The following CYFIP1 variants were observed in gnomAD, a reference collection of about 807,000 sequenced individuals.
The protein encoded by CYFIP1 is cytoplasmic FMR1-interacting protein 1.
A neutral mutation model predicts 163.5 loss-of-function variants in CYFIP1; 58 were observed. The observed-to-expected ratio is 0.35, with a 90% CI of 0.29 to 0.44. The LOEUF (loss-of-function observed/expected upper bound fraction) is 0.44, where lower values mean the gene tolerates loss of function less well. Ranked by LOEUF, CYFIP1 falls within the 20% of genes least tolerant of loss-of-function variation. CYFIP1 has a pLI of 1.00. For synonymous variants in CYFIP1, 663 were observed against 660.7 expected (o/e 1.00, Z -0.05); for missense variants, 1,338 against 1,653.8 (o/e 0.81, Z 3.31).
At chr15:22,934,039 T>C (rs1192167206) in intron 9 of CYFIP1, 146 bp from the exon 10 acceptor site, 1 of 576,780 alleles carries the variant, frequency 1.7e-6, no homozygotes, top group Non-Finnish European at 3.1e-6. Context: ...AAACTATAAG[T>C]AACTTCTACA....
chr15:22,976,295 C>T (rs1236745748), intron 1 of CYFIP1, among the ~76,000 whole-genome samples: 1 of 152,044 alleles, frequency 6.6e-6, no homozygotes, highest in African/African-American at 2.4e-5. Flanking sequence ...GTAGCTGGGA[C>T]TACAGGCGCA....
Position 22,960,051 on chromosome 15 carries a change from C to T in CYFIP1, c.-6-12760G>A, listed in dbSNP as rs571751172. ...CCTTCTCCTGCACCAAGTGCACCCA[C>T]GAGGAGCTGCAGGCTCCCCTACTGC... On this transcript the variant is annotated intron_variant, in intron 1 of 30. Transcript: ENST00000617928. Among the ~76,000 whole-genome samples, 11 of 152,324 alleles carry T rather than the reference C, an allele frequency of 7.2e-5. No homozygotes were observed. The East Asian group carries it at 7.7e-4, about 11-fold the overall frequency.
intron 1 of CYFIP1, among the ~76,000 whole-genome samples, chr15:22,979,337 G>A (rs1296162459): frequency 6.6e-6 from 1 of 152,168 alleles, no homozygotes; most frequent in Non-Finnish European, 1.5e-5. Context: ...GCATAGCAAT[G>A]TGCGCACTGC....
At position 22,868,515 on chromosome 15, in the gene CYFIP1, G is replaced by A. The variant is rs2059309818; in HGVS notation, c.*1513C>T. Reference sequence around the variant, plus strand: ...TCCTATTCTGTAGTTTCTAAGATAAGCACAGCTACCACCTCTAAATCTGCA... The same window carrying A: ...TCCTATTCTGTAGTTTCTAAGATAAACACAGCTACCACCTCTAAATCTGCA... On this transcript the variant is annotated 3_prime_UTR_variant, in exon 31 of 31. Transcript: ENST00000617928. The A allele has an allele frequency of 6.6e-6, 1 of 152,100 alleles. No homozygotes were observed. Among genetic ancestry groups the A allele is most frequent in the Non-Finnish European group, 1.5e-5 (1 of 68,028 alleles). 9.4% of individuals were successfully genotyped at this position (152,100 alleles called of 1,614,324 possible).
rs140138919 is a variant in CYFIP1 at position 22,897,932 on chromosome 15, A to G, written c.2589-4955T>C. On this transcript the variant is annotated intron_variant, in intron 22 of 30. Coordinates refer to ENST00000617928, the MANE Select transcript of CYFIP1 (RefSeq NM_014608.6). ...TATGGGATGCCCATGTGGTTTCAGG[A>G]GCTGTTTCTGTTAAGGTCCCTGCTC... is the stretch of plus-strand genomic sequence containing the variant. Among the ~76,000 whole-genome samples the G allele has an allele frequency of 2.7e-3, 417 of 152,278 alleles. 2 individuals are homozygous for G. The highest frequency in any genetic ancestry group is 9.8e-3 in the African/African-American group (409 of 41,546).
intron 1 of CYFIP1, among the ~76,000 whole-genome samples, chr15:22,977,430 C>T (rs898136998): frequency 1.3e-5 from 2 of 152,132 alleles, no homozygotes; most frequent in Non-Finnish European, 2.9e-5. Context: ...TAAATTATGT[C>T]AGTGTAATTA....
chr15:22,873,836 G>A, intron 28 of CYFIP1, 107 bp from the exon 29 acceptor site: 1 of 1,034,756 alleles, frequency 9.7e-7, no homozygotes, highest in Non-Finnish European at 1.4e-6. Context: ...CTGCTGCCTA[G>A]GCTGGAGTGC....
intron 1 of CYFIP1, among the ~76,000 whole-genome samples, chr15:22,965,731 A>G (rs1249150256): frequency 6.6e-6 from 1 of 152,160 alleles, no homozygotes; most frequent in East Asian, 1.9e-4. Context: ...GGGATAACGA[A>G]TTAGGCTTCC....
Position 22,869,846 on chromosome 15 carries a change from C to T in CYFIP1, c.*182G>A. 2.1e-6 allele frequency: 1 copy of T among 487,062 alleles called. No individual in the cohort carries two copies. The allele number at this position is 487,062 out of a possible 1,614,324, so 30.2% of individuals were successfully genotyped here. A position where few individuals can be genotyped will look rare whatever the true frequency, so the allele number is the denominator to read the frequency against. On this transcript the variant is annotated 3_prime_UTR_variant, in exon 31 of 31. Coordinates refer to ENST00000617928, the MANE Select transcript of CYFIP1 (RefSeq NM_014608.6). ...AATATTCTCAAGAGTTCCTAATTAC[C>T]AAAAGCATATACAATTTTAGTCTAG...
rs150279941 is a variant in CYFIP1 at position 22,909,311 on chromosome 15, G to A, written c.2271C>T (p.Leu757=). ...GATTGAGGTCTATTGATCTGCCGAG[G>A]AGCTGGCGTACACAGGGAAGGATGG... is the stretch of plus-strand genomic sequence containing the variant. ...ETLLKQRHVQ[L]LGRSIDLNRL... The change falls in exon 21 of 31, where the codon CTC becomes CTT. Residue 757 remains leucine, a splice_region_variant and synonymous_variant. Transcript: ENST00000617928. The A allele has an allele frequency of 6.2e-7, 1 of 1,614,098 alleles. No homozygotes were observed. The highest frequency in any genetic ancestry group is 8.5e-7 in the Non-Finnish European group (1 of 1,179,984).
In CYFIP1 at chr15:22,963,511, T is replaced by TAACATAACATAACATAACATAA. The variant is rs2062767491; in HGVS notation, c.-6-16242_-6-16221dup. Among the ~76,000 whole-genome samples, 3 of 137,382 alleles carry TAACATAACATAACATAACATAA rather than the reference T, an allele frequency of 2.2e-5. No homozygotes were observed. The South Asian group carries it at 7.3e-4, about 34-fold the overall frequency. 90.1% of individuals were successfully genotyped at this position (137,382 alleles called of 152,430 possible). A position where few individuals can be genotyped will look rare whatever the true frequency, so the allele number is the denominator to read the frequency against. ...GTTTCAAAAATAACATAACATAACA[T>TAACATAACATAACATAACATAA]AACATAACATAACATAACATAACAT... On this transcript the variant is annotated intron_variant, in intron 1 of 30. Transcript: ENST00000617928.
chr15:22,876,191 G>A (rs188817055), intron 26 of CYFIP1, among the ~76,000 whole-genome samples: 5 of 152,028 alleles, frequency 3.3e-5, no homozygotes, highest in South Asian at 2.1e-4. Context: ...AAGAAATACC[G>A]ACAATGAGAT....
chr15:22,975,685 G>A (rs1156233804), intron 1 of CYFIP1, among the ~76,000 whole-genome samples: 1 of 152,162 alleles, frequency 6.6e-6, no homozygotes, highest in Non-Finnish European at 1.5e-5. Flanking sequence ...CTTAAACCCA[G>A]GAGGCAGAGG....
At chr15:22,912,075 A>G in intron 18 of CYFIP1, 104 bp downstream of exon 18, 1 of 1,061,642 alleles carries the variant, frequency 9.4e-7, no homozygotes. Context: ...CGTGGTTTAT[A>G]CTGTCTTATA....
chr15:22,919,739 T>C (rs1002844362), intron 13 of CYFIP1, among the ~76,000 whole-genome samples: 3 of 152,174 alleles, frequency 2.0e-5, no homozygotes, highest in African/African-American at 7.2e-5. Context: ...CAACCCTTCT[T>C]TGGCCAGGCA....
intron 1 of CYFIP1, among the ~76,000 whole-genome samples, chr15:22,967,172 T>C (rs2062940819): frequency 6.6e-6 from 1 of 152,178 alleles, no homozygotes. Context: ...GGCAGTGCTC[T>C]CCTATCGCCC....
At chr15:22,929,947 A>C (rs966638901) in intron 11 of CYFIP1, among the ~76,000 whole-genome samples, 11 of 151,604 alleles carry the variant, frequency 7.3e-5, no homozygotes, top group Non-Finnish European at 1.5e-4. Context: ...AAAACAAACA[A>C]AAAAAAGACT....
chr15:22,877,086 A>C (rs2059607888), intron 26 of CYFIP1, among the ~76,000 whole-genome samples: 1 of 152,158 alleles, frequency 6.6e-6, no homozygotes, highest in Non-Finnish European at 1.5e-5. Context: ...GCCAAAACTC[A>C]TGGTGAAATT....
chr15:22,952,376 G>A (rs540837321), intron 1 of CYFIP1, among the ~76,000 whole-genome samples: 19 of 152,112 alleles, frequency 1.2e-4, no homozygotes, highest in Admixed American at 1.0e-3. Flanking sequence ...GAAGATGGGG[G>A]AGGACGCGGT....
Sources: allele counts gnomAD v4.1 joint callset (sites outside exome capture counted in the v4.1 genomes callset), GRCh38; gene constraint gnomAD v4.1.1; transcripts MANE v1.5; gene names NCBI Gene and HGNC (gene_info 2026-07-23, HGNC 2026-07-21).